The following CACNA2D3 variants were observed in gnomAD, a reference collection of about 807,000 sequenced individuals.
CACNA2D3 encodes calcium voltage-gated channel auxiliary subunit alpha2delta 3, also known as voltage-dependent calcium channel subunit alpha-2/delta-3.
Under a neutral mutation model 160.6 loss-of-function variants are expected in CACNA2D3, and 60 were observed. That is an observed-to-expected ratio of 0.37 (90% CI 0.30 to 0.46). The LOEUF is 0.46. CACNA2D3 is among the 20% of genes least tolerant of loss of function. CACNA2D3 has a pLI of 1.00. For synonymous variants in CACNA2D3, 558 were observed against 492.9 expected (o/e 1.13, Z -1.75); for missense variants, 1,205 against 1,365.0 (o/e 0.88, Z 1.85).
intron 17 of CACNA2D3, among the ~76,000 whole-genome samples, chr3:54,870,003 C>T (rs773540442): frequency 9.9e-5 from 15 of 152,100 alleles, no homozygotes; most frequent in Non-Finnish European, 2.2e-4. Flanking sequence ...GTGGGCTCAC[C>T]GTTGATCAGG....
chr3:54,775,855 G>A (rs1702415615), intron 13 of CACNA2D3, among the ~76,000 whole-genome samples: 1 of 152,102 alleles, frequency 6.6e-6, no homozygotes, highest in African/African-American at 2.4e-5. Flanking sequence ...GCCCCAGGAG[G>A]GATAAGGACC....
chr3:54,965,861 G>A (rs1341244958), intron 27 of CACNA2D3, among the ~76,000 whole-genome samples: 3 of 152,104 alleles, frequency 2.0e-5, no homozygotes, highest in African/African-American at 4.8e-5. Context: ...GGGTGTGAGT[G>A]AGGAGAGAGG....
rs576535979 is a variant in CACNA2D3 at position 54,955,315 on chromosome 3, T to G, written c.2450-13135T>G. On this transcript the variant is annotated intron_variant, in intron 27 of 37. Transcript: ENST00000474759. ...AGATAATGTCCCGCAGGTAATCTCT[T>G]GAAGCTACTCTCAGAAGAACAGATG... Among the ~76,000 whole-genome samples, 26 of 152,250 alleles carry G rather than the reference T, an allele frequency of 1.7e-4. No homozygotes were observed. In the East Asian group the frequency reaches 5.0e-3, roughly 29 times the overall value.
chr3:54,850,560 G>A (rs150468453), intron 17 of CACNA2D3, among the ~76,000 whole-genome samples: 28 of 151,028 alleles, frequency 1.9e-4, no homozygotes, highest in African/African-American at 5.6e-4. Context: ...GCCCAACAGC[G>A]GATTGGTCAT....
intron 13 of CACNA2D3, among the ~76,000 whole-genome samples, chr3:54,815,705 ATTAC>A (rs1246906552): frequency 2.6e-5 from 4 of 152,294 alleles, no homozygotes; most frequent in Non-Finnish European, 5.9e-5. Flanking sequence ...ACGTTGTATA[ATTAC>A]TTAACCTTTA....
intron 14 of CACNA2D3, among the ~76,000 whole-genome samples, chr3:54,834,175 A>G (rs760963693): frequency 1.3e-5 from 2 of 152,186 alleles, no homozygotes; most frequent in Non-Finnish European, 2.9e-5. Context: ...ATTACTAGTA[A>G]TTTATAACTG....
intron 2 of CACNA2D3, among the ~76,000 whole-genome samples, chr3:54,277,792 T>C (rs1702781163): frequency 6.6e-6 from 1 of 152,194 alleles, no homozygotes; most frequent in East Asian, 1.9e-4. Flanking sequence ...TTTGTGTCCC[T>C]TCTTGTTTCC....
At chr3:54,971,857 T>C (rs564478691) in intron 29 of CACNA2D3, among the ~76,000 whole-genome samples, 11 of 152,304 alleles carry the variant, frequency 7.2e-5, no homozygotes, top group Admixed American at 6.5e-4. Context: ...TCCAAATCTT[T>C]CCATGCCTCA....
chr3:54,435,548 G>T (rs866408445), intron 4 of CACNA2D3, among the ~76,000 whole-genome samples: 18 of 152,080 alleles, frequency 1.2e-4, no homozygotes, highest in Admixed American at 3.9e-4. Flanking sequence ...TGTTGACAGG[G>T]CCCAGTGGGA....
At position 54,679,789 on chromosome 3, in the gene CACNA2D3, A is replaced by G. The variant is rs1422253042; in HGVS notation, c.1167+37548A>G. On this transcript the variant is annotated intron_variant, in intron 11 of 37. Transcript: ENST00000474759. ...GAATATGGCGTCCAAAGGCAAAATC[A>G]TTTCTTATTTTTAAATAAAATGGCA... 3.9e-5 allele frequency among the ~76,000 whole-genome samples: 6 copies of G among 152,212 alleles called. No homozygotes were observed. The East Asian group carries it at 1.2e-3, about 29-fold the overall frequency.
intron 5 of CACNA2D3, among the ~76,000 whole-genome samples, chr3:54,520,653 A>T (rs1001096174): frequency 1.3e-5 from 2 of 152,184 alleles, no homozygotes; most frequent in African/African-American, 4.8e-5. Context: ...TAAAGTGTAC[A>T]ATTCAGTGGT....
chr3:54,585,171 G>A (rs1021005196), intron 9 of CACNA2D3, among the ~76,000 whole-genome samples: 5 of 152,116 alleles, frequency 3.3e-5, no homozygotes, highest in Non-Finnish European at 7.4e-5. Flanking sequence ...AGCAAAACTG[G>A]CCTAACACCA....
chr3:54,889,430 G>T (rs538496501), intron 24 of CACNA2D3, among the ~76,000 whole-genome samples: 1 of 152,208 alleles, frequency 6.6e-6, no homozygotes, highest in African/African-American at 2.4e-5. Context: ...AGGTCCACTT[G>T]TGGCTTGCTT....
chr3:54,618,111 A>G (rs576509499), intron 9 of CACNA2D3, among the ~76,000 whole-genome samples: 1 of 151,824 alleles, frequency 6.6e-6, no homozygotes, highest in South Asian at 2.1e-4. Flanking sequence ...ACTCTGTATG[A>G]AGCACTCTGT....
At chr3:54,433,799 C>G (rs1034948690) in intron 4 of CACNA2D3, among the ~76,000 whole-genome samples, 1 of 152,146 alleles carries the variant, frequency 6.6e-6, no homozygotes. Context: ...GCCTGTTCCT[C>G]CTAGACAAAG....
intron 14 of CACNA2D3, among the ~76,000 whole-genome samples, chr3:54,828,488 G>GT (rs1253253635): frequency 1.3e-5 from 2 of 152,176 alleles, no homozygotes; most frequent in East Asian, 3.9e-4. Context: ...CTATCTAGAA[G>GT]TTTACTCATA....
rs1259819565 is a variant in CACNA2D3, at chr3:54,122,625, C to A, written c.-89C>A. 11 of 873,716 alleles carry A rather than the reference C, an allele frequency of 1.3e-5. No homozygotes were observed. Among genetic ancestry groups the A allele is most frequent in the African/African-American group, 1.9e-5 (1 of 53,548 alleles). 54.1% of individuals were successfully genotyped at this position (873,716 alleles called of 1,614,324 possible). A position where few individuals can be genotyped will look rare whatever the true frequency, so the allele number is the denominator to read the frequency against. On this transcript the variant is annotated 5_prime_UTR_variant, in exon 1 of 38. Transcript: ENST00000474759. ...GGGCGGCGCGGAGCGGAGCAGGCAG[C>A]CCCGCGCGCTCGCCCACCGCCCGCT...
intron 2 of CACNA2D3, among the ~76,000 whole-genome samples, chr3:54,269,989 A>G (rs1352537913): frequency 2.0e-5 from 3 of 152,234 alleles, no homozygotes; most frequent in African/African-American, 7.2e-5. Flanking sequence ...CAACAGAAAA[A>G]TAAAAGCATT....
intron 4 of CACNA2D3, among the ~76,000 whole-genome samples, chr3:54,462,604 C>T (rs927876641): frequency 1.8e-4 from 28 of 152,078 alleles, no homozygotes; most frequent in African/African-American, 6.5e-4. Context: ...CAACCCCTGC[C>T]TTTTTTTGTT....
Sources: allele counts gnomAD v4.1 joint callset (sites outside exome capture counted in the v4.1 genomes callset), GRCh38; gene constraint gnomAD v4.1.1; transcripts MANE v1.5; gene names NCBI Gene and HGNC (gene_info 2026-07-23, HGNC 2026-07-21).